Variants in SYT9 observed in about 807,000 individuals in gnomAD.
The protein encoded by SYT9 is synaptotagmin-9.
Under a neutral mutation model 48.4 loss-of-function variants are expected in SYT9, and 22 were observed. That is an observed-to-expected ratio of 0.45 (90% CI 0.32 to 0.65). The LOEUF (loss-of-function observed/expected upper bound fraction) is 0.65. Ranked by LOEUF, SYT9 falls within the 30% of genes least tolerant of loss-of-function variation. The pLI is 0.03. For synonymous variants in SYT9, 265 were observed against 245.0 expected, an observed-to-expected ratio of 1.08 and a Z score of -0.76; for missense variants, 577 against 622.0, an observed-to-expected ratio of 0.93 and a Z score of 0.77.
At chr11:7,332,857 T>A (rs1386740) in intron 3 of SYT9, among the ~76,000 whole-genome samples, 150,039 of 152,328 alleles carry the variant, frequency 0.98, 73,914 homozygotes, top group Middle Eastern at 1. Context: ...GTTGTCAAGG[T>A]CAGCAATTTC....
intron 2 of SYT9, among the ~76,000 whole-genome samples, chr11:7,309,390 C>T (rs966339559): frequency 6.6e-6 from 1 of 151,966 alleles, no homozygotes; most frequent in Admixed American, 6.6e-5. Context: ...CACCAAAATA[C>T]GGGACTCCCC....
chr11:7,246,153 C>T (rs186753481), intron 1 of SYT9, among the ~76,000 whole-genome samples: 88 of 152,224 alleles, frequency 5.8e-4, no homozygotes, highest in African/African-American at 2.1e-3. Flanking sequence ...AACCAGGGCA[C>T]CAGGGAAGCT....
intron 6 of SYT9, among the ~76,000 whole-genome samples, chr11:7,421,131 G>T (rs925796174): frequency 2.0e-5 from 3 of 152,176 alleles, no homozygotes; most frequent in African/African-American, 7.2e-5. Flanking sequence ...AATGAAATGA[G>T]AATTTATTTC....
intron 6 of SYT9, chr11:7,439,269 G>T (rs1320960776): frequency 5.3e-5 from 8 of 152,240 alleles, no homozygotes; most frequent in Non-Finnish European, 7.3e-5. Context: ...TGTCATGATG[G>T]TGTGAGACCT....
At chr11:7,438,253 A>AGG (rs1198077703) in intron 6 of SYT9, 1 of 152,192 alleles carries the variant, frequency 6.6e-6, no homozygotes, top group African/African-American at 2.4e-5. Context: ...GGAAAGGTTG[A>AGG]AGATACAAGA....
chr11:7,435,341 A>G (rs1184190113), intron 6 of SYT9: 1 of 152,252 alleles, frequency 6.6e-6, no homozygotes, highest in Non-Finnish European at 1.5e-5. Context: ...CTTTTGAATC[A>G]CATGAGAGTC....
intron 3 of SYT9, among the ~76,000 whole-genome samples, chr11:7,336,190 T>G (rs1311259916): frequency 1.3e-5 from 2 of 152,210 alleles, no homozygotes; most frequent in African/African-American, 4.8e-5. Context: ...TAGGGTTGTT[T>G]GTTTTTCTCT....
intron 3 of SYT9, among the ~76,000 whole-genome samples, chr11:7,346,596 G>T (rs1849804888): frequency 6.6e-6 from 1 of 152,198 alleles, no homozygotes; most frequent in Non-Finnish European, 1.5e-5. Flanking sequence ...TGCCTTCAGG[G>T]AGCTTGTGGT....
upstream of SYT9, among the ~76,000 whole-genome samples, chr11:7,250,179 A>T (rs192125979): frequency 2.2e-4 from 34 of 152,302 alleles, no homozygotes; most frequent in East Asian, 5.4e-3. Context: ...TAACGTTTTG[A>T]AACGTTTGTG....
intron 1 of SYT9, among the ~76,000 whole-genome samples, chr11:7,273,465 A>G (rs1339635742): frequency 6.6e-6 from 1 of 152,220 alleles, no homozygotes; most frequent in Non-Finnish European, 1.5e-5. Flanking sequence ...TAAGAAGAAC[A>G]TAGTTAAAGT....
At chr11:7,432,353 C>G (rs888309319) in intron 6 of SYT9, among the ~76,000 whole-genome samples, 1 of 151,666 alleles carries the variant, frequency 6.6e-6, no homozygotes, top group Non-Finnish European at 1.5e-5. Flanking sequence ...TCGAGACCAG[C>G]CTGGACAACA....
chr11:7,320,083 T>C (rs1353955149), intron 3 of SYT9, among the ~76,000 whole-genome samples: 1 of 152,202 alleles, frequency 6.6e-6, no homozygotes, highest in Non-Finnish European at 1.5e-5. Context: ...CTGTGTATTA[T>C]ATATTTGTCT....
intron 3 of SYT9, among the ~76,000 whole-genome samples, chr11:7,373,371 C>T (rs537016804): frequency 2.3e-4 from 35 of 152,078 alleles, no homozygotes; most frequent in South Asian, 2.1e-4. Context: ...ATTCCCATTC[C>T]CCTATTTCAC....
intron 3 of SYT9, among the ~76,000 whole-genome samples, chr11:7,410,109 T>G (rs1847107036): frequency 6.6e-6 from 1 of 152,222 alleles, no homozygotes; most frequent in Middle Eastern, 3.2e-3. Flanking sequence ...GACCCAGTGG[T>G]CATTCAGAAG....
chr11:7,332,017 C>T (rs542337159), intron 3 of SYT9, among the ~76,000 whole-genome samples: 61 of 152,080 alleles, frequency 4.0e-4, no homozygotes, highest in Non-Finnish European at 6.8e-4. Flanking sequence ...TCCAATATGG[C>T]GTGTGAATCT....
chr11:7,437,847 CAACT>C (rs2134129137), intron 6 of SYT9: 1 of 152,312 alleles, frequency 6.6e-6, no homozygotes, highest in South Asian at 2.1e-4. Context: ...ATAGAGAGAC[CAACT>C]GTGTTTATAA....
intron 3 of SYT9, among the ~76,000 whole-genome samples, chr11:7,378,638 A>G (rs1244952587): frequency 6.6e-6 from 1 of 152,036 alleles, no homozygotes; most frequent in Non-Finnish European, 1.5e-5. Flanking sequence ...AAAAGAAAAA[A>G]AATCCTATGT....
At chr11:7,325,673 G>T (rs1421403714) in intron 3 of SYT9, among the ~76,000 whole-genome samples, 1 of 96,472 alleles carries the variant, frequency 1.0e-5, no homozygotes, top group Non-Finnish European at 2.0e-5. Flanking sequence ...GTGAGAGAGG[G>T]CATCTCTGTC....
chr11:7,443,861 A>G (rs1314019823), intron 6 of SYT9, among the ~76,000 whole-genome samples: 2 of 152,280 alleles, frequency 1.3e-5, no homozygotes, highest in African/African-American at 2.4e-5. Context: ...TGGATTTTGC[A>G]TAACTATTCA....
Sources: allele counts gnomAD v4.1 joint callset (sites outside exome capture counted in the v4.1 genomes callset), GRCh38; gene constraint gnomAD v4.1.1; transcripts MANE v1.5; gene names NCBI Gene and HGNC (gene_info 2026-07-23, HGNC 2026-07-21).